EYA1: variants seen among roughly 807,000 people sequenced by gnomAD.
EYA1 encodes EYA transcriptional coactivator and phosphatase 1.
A neutral mutation model predicts 82.0 loss-of-function variants in EYA1; 16 were observed. The observed-to-expected ratio is 0.20, with a 90% confidence interval of 0.13 to 0.30. The LOEUF (loss-of-function observed/expected upper bound fraction) is 0.30, where lower values mean the gene tolerates loss of function less well. Among genes scored for constraint, EYA1 ranks in the 10% least tolerant of loss-of-function variants. The pLI, the probability that EYA1 is intolerant of heterozygous loss-of-function variation, is 1.00. For missense variants in EYA1, 633 were observed against 730.7 expected (o/e 0.87, Z 1.54); for synonymous variants, 261 against 264.4 (o/e 0.99, Z 0.12).
intron 2 of EYA1, among the ~76,000 whole-genome samples, chr8:71,500,358 C>G (rs550644932): frequency 6.6e-6 from 1 of 152,302 alleles, no homozygotes; most frequent in South Asian, 2.1e-4. Flanking sequence ...GTGTCCGAAG[C>G]TATTATTGCT....
intron 11 of EYA1, among the ~76,000 whole-genome samples, chr8:71,245,522 G>C (rs938789653): frequency 4.8e-5 from 7 of 146,744 alleles, no homozygotes; most frequent in African/African-American, 1.3e-4. Context: ...CACTGCGCCC[G>C]GCCTAAGTGA....
At chr8:71,432,420 A>T (rs1377749820) in intron 2 of EYA1, among the ~76,000 whole-genome samples, 1 of 152,176 alleles carries the variant, frequency 6.6e-6, no homozygotes, top group African/African-American at 2.4e-5. Context: ...TTTCTTTAAG[A>T]GTGCTATATT....
rs1038631408 is a variant in EYA1 at position 71,197,859 on chromosome 8, C to T, written c.*1481G>A. 6 of 152,538 alleles carry T rather than the reference C, an allele frequency of 3.9e-5. No homozygotes were observed. Among genetic ancestry groups the T allele is most frequent in the African/African-American group, 1.4e-4 (6 of 41,438 alleles). The allele number at this position is 152,538 out of a possible 1,614,324, so 9.4% of individuals were successfully genotyped here. A position where few individuals can be genotyped will look rare whatever the true frequency, so the allele number is the denominator to read the frequency against. ...TGAGAGAAAATATTGCCCAGCCAAA[C>T]TGACCACTTTTGGAGAAACTCTTAT... On this transcript the variant is annotated 3_prime_UTR_variant, in exon 18 of 18. Transcript: ENST00000340726.
intron 2 of EYA1, among the ~76,000 whole-genome samples, chr8:71,497,220 A>G (rs1376022456): frequency 6.6e-6 from 1 of 152,250 alleles, no homozygotes; most frequent in East Asian, 1.9e-4. Context: ...GAGCTAAAAA[A>G]TAATTACACA....
At chr8:71,361,598 C>T in intron 1 of EYA1, 49 bp downstream of exon 1, 1 of 903,892 alleles carries the variant, frequency 1.1e-6, no homozygotes, top group Non-Finnish European at 1.3e-6. Flanking sequence ...GCCCACAGGA[C>T]AGCTGTTGTC....
intron 2 of EYA1, among the ~76,000 whole-genome samples, chr8:71,527,254 AC>A (rs1387373319): frequency 6.6e-6 from 1 of 152,236 alleles, no homozygotes; most frequent in Non-Finnish European, 1.5e-5. Flanking sequence ...ACTTGAGTTC[AC>A]ACGGATGCTT....
At chr8:71,304,860 T>G (rs62506575) in intron 7 of EYA1, among the ~76,000 whole-genome samples, 17,795 of 141,940 alleles carry the variant, frequency 0.13, 3,834 homozygotes, top group South Asian at 0.28. Context: ...CCAGATGGAT[T>G]TCACCGAAGT....
chr8:71,319,385 CT>C (rs1315439272), intron 6 of EYA1, among the ~76,000 whole-genome samples: 1 of 152,188 alleles, frequency 6.6e-6, no homozygotes, highest in East Asian at 1.9e-4. Context: ...CCGCCTCAGC[CT>C]CCCAAAGTGC....
At chr8:71,435,534 T>TA (rs1805949020) in intron 2 of EYA1, among the ~76,000 whole-genome samples, 1 of 152,064 alleles carries the variant, frequency 6.6e-6, no homozygotes, top group Non-Finnish European at 1.5e-5. Context: ...ACCACTTAAT[T>TA]AAGAATTCTG....
intron 17 of EYA1, 112 bp from the exon 18 acceptor site, chr8:71,199,532 C>T (rs949450856): frequency 1.4e-6 from 1 of 721,938 alleles, no homozygotes. Flanking sequence ...CATTGAAATG[C>T]CAGCTAACAT....
At chr8:71,267,521 A>C (rs562709748) in intron 11 of EYA1, among the ~76,000 whole-genome samples, 1 of 152,306 alleles carries the variant, frequency 6.6e-6, no homozygotes, top group Non-Finnish European at 1.5e-5. Flanking sequence ...AGAGTATATA[A>C]ATTTGGCTTT....
chr8:71,337,627 T>C (rs1024887348), intron 3 of EYA1, among the ~76,000 whole-genome samples: 10 of 152,236 alleles, frequency 6.6e-5, no homozygotes, highest in African/African-American at 2.4e-4. Context: ...TTGATCTTAA[T>C]TATCTCCATA....
chr8:71,335,659 A>T (rs1187908339), intron 3 of EYA1, among the ~76,000 whole-genome samples: 2 of 152,108 alleles, frequency 1.3e-5, no homozygotes, highest in Non-Finnish European at 2.9e-5. Flanking sequence ...TTCCCTCTCC[A>T]TGACACCAGA....
At chr8:71,266,610 T>C (rs1208461336) in intron 11 of EYA1, among the ~76,000 whole-genome samples, 1 of 152,020 alleles carries the variant, frequency 6.6e-6, no homozygotes, top group Non-Finnish European at 1.5e-5. Flanking sequence ...ACAAGGAAGG[T>C]GCTCAAAAAA....
At chr8:71,304,633 G>A (rs1187733676) in intron 7 of EYA1, among the ~76,000 whole-genome samples, 1 of 142,320 alleles carries the variant, frequency 7.0e-6, no homozygotes, top group Non-Finnish European at 1.6e-5. Context: ...ACCAATTCAG[G>A]AGGTGTTATA....
chr8:71,470,043 G>C (rs1320929616), intron 2 of EYA1, among the ~76,000 whole-genome samples: 1 of 151,986 alleles, frequency 6.6e-6, no homozygotes, highest in Non-Finnish European at 1.5e-5. Context: ...AAATTTGCCA[G>C]AGTCAGTAGC....
chr8:71,493,875 T>G (rs577687234), intron 2 of EYA1, among the ~76,000 whole-genome samples: 1 of 147,832 alleles, frequency 6.8e-6, no homozygotes, highest in South Asian at 2.2e-4. Context: ...TACAAAAAAT[T>G]AGCCGGGCGT....
chr8:71,352,990 A>G (rs2129067020), intron 3 of EYA1, among the ~76,000 whole-genome samples: 1 of 152,336 alleles, frequency 6.6e-6, no homozygotes, highest in Admixed American at 6.5e-5. Context: ...CTTCATATAC[A>G]AAAAAATTAA....
intron 2 of EYA1, among the ~76,000 whole-genome samples, chr8:71,479,625 A>G (rs1399563721): frequency 4.1e-5 from 1 of 24,348 alleles, no homozygotes; most frequent in East Asian, 4.0e-3. Context: ...TTCTTTATGA[A>G]AAAAAAAAAA....
Sources: allele counts gnomAD v4.1 joint callset (sites outside exome capture counted in the v4.1 genomes callset), GRCh38; gene constraint gnomAD v4.1.1; transcripts MANE v1.5; gene names NCBI Gene and HGNC (gene_info 2026-07-23, HGNC 2026-07-21).